Variants in DROSHA observed in about 807,000 individuals in gnomAD.
DROSHA encodes the protein ribonuclease 3.
DROSHA carries 56 observed loss-of-function variants against 181.9 expected under a neutral mutation model. The ratio of observed to expected loss-of-function variants is 0.31; its 90% CI spans 0.25 to 0.38. The LOEUF (loss-of-function observed/expected upper bound fraction) is 0.38, where lower values mean the gene tolerates loss of function less well. DROSHA is among the 10% of genes least tolerant of loss of function. The pLI is 1.00. For missense variants in DROSHA, 1,218 were observed against 1,743.5 expected (o/e 0.70, Z 5.37); for synonymous variants, 524 against 591.2 (o/e 0.89, Z 1.65).
chr5:31,496,096 G>A (rs1392703513), intron 11 of DROSHA, among the ~76,000 whole-genome samples: 1 of 152,206 alleles, frequency 6.6e-6, no homozygotes, highest in Non-Finnish European at 1.5e-5. Context: ...TAACTTCGGA[G>A]ACCAAGAGAG....
chr5:31,530,084 G>A (rs1234034093), intron 3 of DROSHA, among the ~76,000 whole-genome samples: 1 of 152,104 alleles, frequency 6.6e-6, no homozygotes, highest in South Asian at 2.1e-4. Flanking sequence ...GATTATGCTA[G>A]CAGTCAGTGT....
At chr5:31,481,818 G>A (rs1265961649) in intron 16 of DROSHA, among the ~76,000 whole-genome samples, 4 of 152,306 alleles carry the variant, frequency 2.6e-5, no homozygotes, top group East Asian at 3.9e-4. Flanking sequence ...AAAGAGACAG[G>A]AGGAAAGTAA....
intron 5 of DROSHA, among the ~76,000 whole-genome samples, chr5:31,521,888 T>C (rs547188122): frequency 1.3e-5 from 2 of 151,240 alleles, no homozygotes; most frequent in East Asian, 1.9e-4. Context: ...TATTTAACAA[T>C]GAGGACCTAG....
At chr5:31,482,706 G>T (rs182960266) in intron 16 of DROSHA, among the ~76,000 whole-genome samples, 1 of 152,062 alleles carries the variant, frequency 6.6e-6, no homozygotes, top group Non-Finnish European at 1.5e-5. Flanking sequence ...TGATAAAGCA[G>T]GTAATTGACT....
At position 31,515,559 on chromosome 5, in the gene DROSHA, T is replaced by G; in HGVS notation, c.953A>C (p.Tyr318Ser). Residue 318 changes from tyrosine (Y) to serine (S), a missense_variant, in exon 7 of 36, where the codon TAC becomes TCC. This residue lies in a region of DROSHA where 536 missense variants were observed against 535.4 expected (regional missense o/e 1.00). Coordinates refer to ENST00000344624, the MANE Select transcript of DROSHA (RefSeq NM_001382508.1). ...KKEYKRSGRS[Y>S]GLSVVPEPAG... ...AGGTTCAGGAACAACCGATAAACCG[T>G]AACTCCTAAAAGAAAAAGATATTTG... is the stretch of plus-strand genomic sequence containing the variant. 6.4e-7 allele frequency: 1 copy of G among 1,551,312 alleles called. No individual in the cohort carries two copies. Among genetic ancestry groups the G allele is most frequent in the Non-Finnish European group, 8.7e-7 (1 of 1,146,728 alleles).
intron 26 of DROSHA, among the ~76,000 whole-genome samples, chr5:31,431,365 G>GC (rs1378549007): frequency 1.3e-4 from 2 of 15,732 alleles, no homozygotes; most frequent in Non-Finnish European, 2.6e-4. Context: ...GCAGTAGAAT[G>GC]CAAAAAAAAA....
intron 29 of DROSHA, chr5:31,421,894 A>AAAT (rs1561132889): frequency 3.7e-5 from 2 of 53,528 alleles, no homozygotes; most frequent in Admixed American, 2.1e-4. Flanking sequence ...AAAAAAAAAA[A>AAAT]ATATATATAT....
intron 20 of DROSHA, among the ~76,000 whole-genome samples, chr5:31,456,648 T>G (rs1747704887): frequency 6.6e-6 from 1 of 152,152 alleles, no homozygotes; most frequent in Non-Finnish European, 1.5e-5. Flanking sequence ...ATAATGGATT[T>G]CATAGTAACC....
chr5:31,414,138 TGAA>T (rs548083377), intron 30 of DROSHA, among the ~76,000 whole-genome samples: 6 of 152,050 alleles, frequency 3.9e-5, no homozygotes, highest in South Asian at 2.1e-4. Context: ...GCAGGTGATG[TGAA>T]GAAGACTGCA....
rs74692767 is a variant in DROSHA, at chr5:31,527,331, C to A, written c.21-419G>T. Among the ~76,000 whole-genome samples the A allele has an allele frequency of 9.8e-5, 15 of 152,314 alleles. No homozygotes were observed. The South Asian group carries it at 1.2e-3, about 13-fold the overall frequency. On this transcript the variant is annotated intron_variant, in intron 4 of 35. Coordinates refer to ENST00000344624, the MANE Select transcript of DROSHA (RefSeq NM_001382508.1). Reference sequence around the variant, plus strand: ...AATGCAGATTTGGGATTACCACCCCCCCTCTGCAATCCTCCACCTCTCCCT... The same window carrying A: ...AATGCAGATTTGGGATTACCACCCCACCTCTGCAATCCTCCACCTCTCCCT...
intron 35 of DROSHA, among the ~76,000 whole-genome samples, chr5:31,404,003 G>A (rs1215234588): frequency 6.6e-6 from 1 of 151,848 alleles, no homozygotes; most frequent in Non-Finnish European, 1.5e-5. Context: ...CTGCAGCCTC[G>A]AACCCCTGGG....
intron 20 of DROSHA, among the ~76,000 whole-genome samples, chr5:31,454,613 AAG>A (rs1296175041): frequency 6.6e-6 from 1 of 152,104 alleles, no homozygotes; most frequent in Non-Finnish European, 1.5e-5. Context: ...TTTTTCTAAG[AAG>A]AGGAGTAGAA....
At chr5:31,461,009 A>AAGTAAAGG (rs1748344157) in intron 20 of DROSHA, among the ~76,000 whole-genome samples, 1 of 152,192 alleles carries the variant, frequency 6.6e-6, no homozygotes, top group Non-Finnish European at 1.5e-5. Context: ...GGCCAAATAA[A>AAGTAAAGG]CAATAAAAAA....
At chr5:31,510,059 A>AG (rs1738488305) in intron 9 of DROSHA, among the ~76,000 whole-genome samples, 1 of 127,620 alleles carries the variant, frequency 7.8e-6, no homozygotes, top group Non-Finnish European at 1.9e-5. Flanking sequence ...TTGAAAAAAA[A>AG]AAAAAACAGA....
intron 10 of DROSHA, among the ~76,000 whole-genome samples, chr5:31,507,121 C>A (rs184164138): frequency 6.6e-6 from 1 of 151,812 alleles, no homozygotes; most frequent in Non-Finnish European, 1.5e-5. Flanking sequence ...TTGAGACCAG[C>A]CTGGGCAACA....
chr5:31,465,874 C>A (rs936159884), intron 19 of DROSHA, among the ~76,000 whole-genome samples: 7 of 152,114 alleles, frequency 4.6e-5, no homozygotes, highest in Non-Finnish European at 1.0e-4. Flanking sequence ...GATGCTGGTG[C>A]CATGCTTCTT....
At chr5:31,459,718 T>C (rs1284799549) in intron 20 of DROSHA, among the ~76,000 whole-genome samples, 1 of 152,150 alleles carries the variant, frequency 6.6e-6, no homozygotes, top group Non-Finnish European at 1.5e-5. Context: ...AGCAAGAGAA[T>C]CAGATAGTTT....
chr5:31,519,600 C>T (rs1739658533), intron 6 of DROSHA, among the ~76,000 whole-genome samples: 1 of 152,128 alleles, frequency 6.6e-6, no homozygotes, highest in Non-Finnish European at 1.5e-5. Flanking sequence ...GGCCTCCTTG[C>T]CTTTTTTCAA....
intron 10 of DROSHA, among the ~76,000 whole-genome samples, chr5:31,507,856 T>C (rs1296076793): frequency 6.6e-6 from 1 of 152,168 alleles, no homozygotes; most frequent in Non-Finnish European, 1.5e-5. Flanking sequence ...TTCTGCTCAA[T>C]TCCAAAGAGT....
Sources: gnomAD v4.1 joint callset for allele counts (sites outside exome capture counted in the v4.1 genomes callset) on GRCh38, gnomAD v4.1.1 for gene constraint, gnomAD v4.1.1 regional missense constraint, MANE v1.5 for transcripts, NCBI Gene and HGNC (gene_info 2026-07-23, HGNC 2026-07-21) for gene names.